SPTBN1: variants seen among roughly 807,000 people sequenced by gnomAD.
The protein encoded by SPTBN1 is spectrin beta chain, non-erythrocytic 1.
Under a neutral mutation model 266.4 loss-of-function variants are expected in SPTBN1, and 32 were observed. The ratio of observed to expected loss-of-function variants is 0.12; its 90% CI spans 0.09 to 0.16. SPTBN1 has a LOEUF of 0.16. SPTBN1 is among the 10% of genes least tolerant of loss of function. The pLI, the probability that SPTBN1 is intolerant of heterozygous loss-of-function variation, is 1.00. For missense variants in SPTBN1, 2,296 were observed against 3,067.1 expected, an observed-to-expected ratio of 0.75 and a Z score of 5.94; for synonymous variants, 1,336 against 1,162.2, an observed-to-expected ratio of 1.15 and a Z score of -3.04.
At chr2:54,596,027 G>A (rs529568975) in intron 2 of SPTBN1, among the ~76,000 whole-genome samples, 2 of 152,232 alleles carry the variant, frequency 1.3e-5, no homozygotes, top group East Asian at 1.9e-4. Flanking sequence ...CTTTTGTACC[G>A]TGGTTGTAAG....
intron 1 of SPTBN1, among the ~76,000 whole-genome samples, chr2:54,504,439 CTG>C (rs1490056978): frequency 1.3e-5 from 2 of 152,140 alleles, no homozygotes; most frequent in Non-Finnish European, 2.9e-5. Flanking sequence ...GCTTCTGCAT[CTG>C]TGAATTCAAC....
intron 1 of SPTBN1, among the ~76,000 whole-genome samples, chr2:54,517,644 C>CTT (rs527318328): frequency 2.1e-5 from 3 of 140,728 alleles, no homozygotes; most frequent in Non-Finnish European, 4.7e-5. Flanking sequence ...TCTATGGTGC[C>CTT]TTTTTTTTTT....
Position 54,669,754 on chromosome 2 carries a change from CAA to C in SPTBN1, c.*1186_*1187del, listed in dbSNP as rs1316510221. 2.0e-5 allele frequency: 3 copies of C among 152,686 alleles called. No homozygotes were observed. The highest frequency in any genetic ancestry group is 7.2e-5 in the African/African-American group (3 of 41,574). 9.5% of individuals were successfully genotyped at this position (152,686 alleles called of 1,614,324 possible). ...AAACTGCAAAGGGAGAAATGACAAA[CAA>C]GAAACATTTTACAACCAGTCTGGGC... is the stretch of plus-strand genomic sequence containing the variant. On this transcript the variant is annotated 3_prime_UTR_variant, in exon 36 of 36. Transcript: ENST00000356805.
chr2:54,643,702 G>A (rs946235045), intron 19 of SPTBN1, among the ~76,000 whole-genome samples: 1 of 151,716 alleles, frequency 6.6e-6, no homozygotes, highest in Non-Finnish European at 1.5e-5. Flanking sequence ...ATAATGTGTT[G>A]GCAGGGCACG....
At chr2:54,524,552 C>T (rs1670682901) in intron 1 of SPTBN1, among the ~76,000 whole-genome samples, 1 of 152,186 alleles carries the variant, frequency 6.6e-6, no homozygotes, top group Non-Finnish European at 1.5e-5. Context: ...AGCTGCACCG[C>T]CATCATTTCT....
intron 1 of SPTBN1, among the ~76,000 whole-genome samples, chr2:54,522,455 A>G (rs187760679): frequency 9.8e-4 from 149 of 151,718 alleles, no homozygotes; most frequent in Middle Eastern, 3.4e-3. Context: ...ACATGGTGAA[A>G]CCCCATTTCT....
chr2:54,648,970 T>A lies in SPTBN1; in HGVS notation c.4998-16T>A, dbSNP rs1481171410. On this transcript the variant is annotated splice_polypyrimidine_tract_variant and intron_variant, in intron 24 of 35. Coordinates refer to ENST00000356805, the MANE Select transcript of SPTBN1 (RefSeq NM_003128.3). Reference sequence around the variant, plus strand: ...TTAAGATCCTTTTTCTCCCCATTGCTCCTTTTCTTTTTCAGTGAGCGCATT... The same window carrying A: ...TTAAGATCCTTTTTCTCCCCATTGCACCTTTTCTTTTTCAGTGAGCGCATT... The A allele has an allele frequency of 6.4e-7, 1 of 1,573,764 alleles. No homozygotes were observed. The highest frequency in any genetic ancestry group is 1.8e-5 in the Admixed American group (1 of 55,868).
intron 12 of SPTBN1, among the ~76,000 whole-genome samples, chr2:54,627,825 C>G (rs1678457506): frequency 1.0e-5 from 1 of 95,934 alleles, no homozygotes; most frequent in Non-Finnish European, 1.9e-5. Flanking sequence ...CCATCTTTTT[C>G]TTCTATTCTG....
chr2:54,610,453 C>T (rs1034689690), intron 3 of SPTBN1, among the ~76,000 whole-genome samples: 8 of 152,084 alleles, frequency 5.3e-5, no homozygotes, highest in Non-Finnish European at 7.4e-5. Context: ...TTTGTAGAGA[C>T]GGGTTTTTGC....
chr2:54,468,800 T>C (rs4599153), intron 1 of SPTBN1, among the ~76,000 whole-genome samples: 79,226 of 152,090 alleles, frequency 0.52, 21,115 homozygotes, highest in East Asian at 0.64. Flanking sequence ...ACAGTTGCAT[T>C]AATTCCCCTG....
intron 27 of SPTBN1, among the ~76,000 whole-genome samples, chr2:54,654,346 A>T (rs1680507374): frequency 6.6e-6 from 1 of 152,096 alleles, no homozygotes; most frequent in African/African-American, 2.4e-5. Flanking sequence ...GTTATTATTT[A>T]ATATTTGTCC....
chr2:54,514,188 T>C (rs4671223), intron 1 of SPTBN1, among the ~76,000 whole-genome samples: 46,091 of 152,086 alleles, frequency 0.3, 8,439 homozygotes, highest in East Asian at 0.46. Flanking sequence ...TTCTGTCTCA[T>C]ACCGTTTTTT....
chr2:54,529,745 ATGTT>A (rs1407316870), intron 2 of SPTBN1: 1 of 635,358 alleles, frequency 1.6e-6, no homozygotes, highest in African/African-American at 1.8e-5. Context: ...ATGAAGGCAT[ATGTT>A]CCACTGGCTC....
At chr2:54,460,026 C>G (rs1160650611) in intron 1 of SPTBN1, among the ~76,000 whole-genome samples, 1 of 152,196 alleles carries the variant, frequency 6.6e-6, no homozygotes, top group Non-Finnish European at 1.5e-5. Context: ...TTAAACATCT[C>G]TGGAGAAGGC....
chr2:54,606,430 G>A (rs887549920), intron 3 of SPTBN1, among the ~76,000 whole-genome samples: 2 of 152,114 alleles, frequency 1.3e-5, no homozygotes, highest in Admixed American at 6.5e-5. Flanking sequence ...ACATGTAGCT[G>A]GACCACTCAC....
At chr2:54,481,432 GTGTGTGTGTTT>G (rs1275247940) in intron 1 of SPTBN1, among the ~76,000 whole-genome samples, 7 of 84,830 alleles carry the variant, frequency 8.3e-5, no homozygotes, top group African/African-American at 3.9e-4. Flanking sequence ...GTGTGTGTGT[GTGTGTGTGTTT>G]TGTTTTGTTT....
chr2:54,657,966 C>G lies in SPTBN1; in HGVS notation c.6163C>G (p.Leu2055Val). ...IGQSVDEVEK[L>V]IKRHEAFEKS... ...CCAGAGCGTGGACGAGGTGGAGAAGCTCATCAAGCGCCACGAGGCATTTGA... is the reference window on the plus strand; with the variant it reads ...CCAGAGCGTGGACGAGGTGGAGAAGGTCATCAAGCGCCACGAGGCATTTGA... The change falls in exon 30 of 36, where the codon CTC (leucine) becomes GTC (valine). Residue 2055 changes from leucine (L) to valine (V), a missense_variant. By Grantham distance (32) the Leu-to-Val change is conservative (BLOSUM62 1). Around this residue, in one of 12 missense-constraint regions of SPTBN1, gnomAD observed 644 missense variants for 745.3 expected, o/e 0.86. Transcript: ENST00000356805. 1 of 1,614,224 alleles carries G rather than the reference C, an allele frequency of 6.2e-7. No individual in the cohort carries two copies. Among genetic ancestry groups the G allele is most frequent in the Non-Finnish European group, 8.5e-7 (1 of 1,180,032 alleles).
chr2:54,479,306 G>A (rs1667991941), intron 1 of SPTBN1, among the ~76,000 whole-genome samples: 2 of 152,190 alleles, frequency 1.3e-5, no homozygotes, highest in South Asian at 4.1e-4. Context: ...AACCATGTAA[G>A]AAATCTAAGG....
intron 1 of SPTBN1, among the ~76,000 whole-genome samples, chr2:54,478,275 G>T (rs1435274008): frequency 1.3e-5 from 2 of 152,090 alleles, no homozygotes; most frequent in Non-Finnish European, 2.9e-5. Context: ...TCAGATGCTT[G>T]TGTCAGGTTC....
Sources: allele counts gnomAD v4.1 joint callset (sites outside exome capture counted in the v4.1 genomes callset), GRCh38; gene constraint gnomAD v4.1.1; regional missense constraint gnomAD v4.1.1; transcripts MANE v1.5; gene names NCBI Gene and HGNC (gene_info 2026-07-23, HGNC 2026-07-21).